The following IL20RA variants were observed in gnomAD, a reference collection of about 807,000 sequenced individuals.
The protein encoded by IL20RA is interleukin-20 receptor subunit alpha.
Under a neutral mutation model 36.5 loss-of-function variants are expected in IL20RA, and 29 were observed. The observed-to-expected ratio is 0.79, with a 90% CI of 0.59 to 1.08. The LOEUF is 1.08. Ranked by LOEUF, IL20RA falls within the 50% of genes least tolerant of loss-of-function variation. The probability of loss-of-function intolerance (pLI) is 0.00; values close to 1 mark genes in which losing one functional copy is unlikely to be tolerated. For missense variants in IL20RA, 652 were observed against 668.4 expected (o/e 0.98, Z 0.27); for synonymous variants, 279 against 267.1 (o/e 1.04, Z -0.43).
intron 2 of IL20RA, among the ~76,000 whole-genome samples, chr6:137,015,711 G>C (rs1775659727): frequency 6.6e-6 from 1 of 152,118 alleles, no homozygotes; most frequent in Non-Finnish European, 1.5e-5. Flanking sequence ...AGACTGGAGA[G>C]CAGTGGCATG....
intron 1 of IL20RA, among the ~76,000 whole-genome samples, chr6:137,031,972 G>C (rs1776302514): frequency 1.4e-5 from 2 of 145,810 alleles, no homozygotes; most frequent in Admixed American, 1.4e-4. Context: ...AGAATCACTT[G>C]AACCTGGGAG....
At chr6:137,023,886 G>C (rs1156392606) in intron 1 of IL20RA, among the ~76,000 whole-genome samples, 1 of 152,172 alleles carries the variant, frequency 6.6e-6, no homozygotes, top group Non-Finnish European at 1.5e-5. Context: ...TTGAGGTCAG[G>C]AGTTTGAGAC....
At chr6:137,021,892 A>G (rs1364667384) in intron 1 of IL20RA, among the ~76,000 whole-genome samples, 1 of 152,190 alleles carries the variant, frequency 6.6e-6, no homozygotes, top group Non-Finnish European at 1.5e-5. Context: ...TTCAGTTTCC[A>G]TAACAGCCCT....
chr6:137,009,246 C>CA, intron 4 of IL20RA, 71 bp downstream of exon 4: 1 of 1,203,236 alleles, frequency 8.3e-7, no homozygotes, highest in Non-Finnish European at 1.2e-6. Context: ...ATCAATGCAT[C>CA]AGGGTTGTTT....
intron 1 of IL20RA, among the ~76,000 whole-genome samples, chr6:137,037,731 A>G (rs1477487578): frequency 6.6e-6 from 1 of 152,130 alleles, no homozygotes; most frequent in East Asian, 1.9e-4. Context: ...CATATACTGG[A>G]AATACTGGGA....
At position 137,005,050 on chromosome 6, in the gene IL20RA, G is replaced by A. The variant is rs193110195; in HGVS notation, c.725-290C>T. ...CCAAGTCAGCACATATTCCACCATCGTATGTCTGGCTATGAGATTCATGCA... is the reference window on the plus strand; with the variant it reads ...CCAAGTCAGCACATATTCCACCATCATATGTCTGGCTATGAGATTCATGCA... On this transcript the variant is annotated intron_variant, in intron 5 of 6. Coordinates refer to ENST00000316649, the MANE Select transcript of IL20RA (RefSeq NM_014432.4). 3.0e-3 allele frequency among the ~76,000 whole-genome samples: 452 copies of A among 152,278 alleles called. 19 individuals are homozygous for A. The South Asian group carries it at 0.088, about 30-fold the overall frequency.
chr6:137,009,090 A>G (rs1471808501), intron 4 of IL20RA: 5 of 603,398 alleles, frequency 8.3e-6, no homozygotes, highest in Non-Finnish European at 1.5e-5. Flanking sequence ...CAATCTCTCT[A>G]CACTCCAATA....
At chr6:137,042,062 G>C (rs1406530532) in intron 1 of IL20RA, among the ~76,000 whole-genome samples, 1 of 152,120 alleles carries the variant, frequency 6.6e-6, no homozygotes, top group Admixed American at 6.5e-5. Context: ...CTTGAGGGAA[G>C]CACATTGGCA....
chr6:137,022,983 A>G (rs563146544), intron 1 of IL20RA, among the ~76,000 whole-genome samples: 2 of 152,160 alleles, frequency 1.3e-5, no homozygotes, highest in Admixed American at 1.3e-4. Context: ...GAGAGAATAA[A>G]TTGTGTTTTT....
At position 137,044,756 on chromosome 6, in the gene IL20RA, G is replaced by C. The variant is rs1776844925; in HGVS notation, c.-28C>G. 11 of 1,212,326 alleles carry C rather than the reference G, an allele frequency of 9.1e-6. No homozygotes were observed. The highest frequency in any genetic ancestry group is 4.4e-5 in the Admixed American group (1 of 22,940). 75.1% of individuals were successfully genotyped at this position (1,212,326 alleles called of 1,614,324 possible). On this transcript the variant is annotated 5_prime_UTR_variant, in exon 1 of 7. Transcript: ENST00000316649. ...GCGGCGGGGCTGGGTCACATGTCGG[G>C]GGGCAGCAGACTGCTCAGTCCCACG...
At position 137,000,342 on chromosome 6, in the gene IL20RA, T is replaced by C. The variant is rs1180032431; in HGVS notation, c.*1216A>G. On this transcript the variant is annotated 3_prime_UTR_variant, in exon 7 of 7. Coordinates refer to ENST00000316649, the MANE Select transcript of IL20RA (RefSeq NM_014432.4). ...CAAATATATATTAAGGCAAACCATA[T>C]GAAGTTACTGCTTGTCAGATTAAAA... 4 of 152,202 alleles carry C rather than the reference T, an allele frequency of 2.6e-5. No individual in the cohort carries two copies. Among genetic ancestry groups the C allele is most frequent in the African/African-American group, 9.7e-5 (4 of 41,442 alleles). The allele number at this position is 152,202 out of a possible 1,614,324, so 9.4% of individuals were successfully genotyped here.
At chr6:137,035,138 A>T (rs969530326) in intron 1 of IL20RA, among the ~76,000 whole-genome samples, 1 of 152,132 alleles carries the variant, frequency 6.6e-6, no homozygotes, top group Non-Finnish European at 1.5e-5. Flanking sequence ...TTTATATTGA[A>T]TTATAAATAT....
intron 2 of IL20RA, among the ~76,000 whole-genome samples, chr6:137,015,771 C>G (rs752809034): frequency 2.0e-5 from 3 of 152,140 alleles, no homozygotes; most frequent in Non-Finnish European, 4.4e-5. Context: ...ATCCTCCCAC[C>G]TCAGCATCCC....
chr6:137,002,172 G>T lies in IL20RA; in HGVS notation c.1048C>A (p.Pro350Thr). 6 of 1,614,004 alleles carry T rather than the reference G, an allele frequency of 3.7e-6. No homozygotes were observed. Among genetic ancestry groups the T allele is most frequent in the Non-Finnish European group, 5.1e-6 (6 of 1,179,890 alleles). The part of the protein sequence containing the change: ...NDPQPSGNLR[P>T]PQEEEEVKHL... ...TTCACCTCCTCTTCCTCCTGAGGGGGCCTCAGGTTCCCGCTGGGCTGAGGA... is the reference window on the plus strand; with the variant it reads ...TTCACCTCCTCTTCCTCCTGAGGGGTCCTCAGGTTCCCGCTGGGCTGAGGA... Residue 350 changes from proline to threonine, a missense_variant, in exon 7 of 7, where the codon CCC becomes ACC. Physicochemically the swap from Pro to Thr is conservative, Grantham distance 38. Coordinates refer to ENST00000316649, the MANE Select transcript of IL20RA (RefSeq NM_014432.4).
In IL20RA at chr6:137,036,634, C is replaced by T. The variant is rs930344498; in HGVS notation, c.88+8007G>A. Among the ~76,000 whole-genome samples, 8 of 152,214 alleles carry T rather than the reference C, an allele frequency of 5.3e-5. No homozygotes were observed. In the South Asian group the frequency reaches 8.3e-4, roughly 16 times the overall value. ...AAGATTGCCAGCACCACCAGAAGCA[C>T]GAAGAGGCACAGAATGGATTCTCCC... On this transcript the variant is annotated intron_variant, in intron 1 of 6. Transcript: ENST00000316649.
At chr6:137,044,074 A>G in intron 1 of IL20RA, 1 of 982,042 alleles carries the variant, frequency 1.0e-6, no homozygotes, top group Non-Finnish European at 1.2e-6. Flanking sequence ...CGGCGTACCC[A>G]GGACAGGGGG....
In IL20RA at chr6:137,018,166, G is replaced by T. The variant is rs369036208; in HGVS notation, c.89-1063C>A. Among the ~76,000 whole-genome samples the T allele has an allele frequency of 3.4e-4, 52 of 152,260 alleles. 1 individual carries two copies. The highest frequency in any genetic ancestry group is 1.2e-3 in the African/African-American group (51 of 41,558). ...AATTTAGTTCAGTCACTGATGGCAGGTCCAATCTTGGCTAAGGATCATAAT... is the reference window on the plus strand; with the variant it reads ...AATTTAGTTCAGTCACTGATGGCAGTTCCAATCTTGGCTAAGGATCATAAT... On this transcript the variant is annotated intron_variant, in intron 1 of 6. Coordinates refer to ENST00000316649, the MANE Select transcript of IL20RA (RefSeq NM_014432.4).
At chr6:137,041,518 TTTAA>T (rs1156610063) in intron 1 of IL20RA, among the ~76,000 whole-genome samples, 1 of 152,158 alleles carries the variant, frequency 6.6e-6, no homozygotes, top group Non-Finnish European at 1.5e-5. Context: ...ATTCTGCAAG[TTTAA>T]TTAGTTCACT....
At position 137,030,020 on chromosome 6, in the gene IL20RA, T is replaced by C. The variant is rs148439148; in HGVS notation, c.89-12917A>G. Among the ~76,000 whole-genome samples the C allele has an allele frequency of 2.4e-3, 360 of 150,450 alleles. 3 individuals are homozygous for C. The highest frequency in any genetic ancestry group is 8.6e-3 in the African/African-American group (355 of 41,260). On this transcript the variant is annotated intron_variant, in intron 1 of 6. Coordinates refer to ENST00000316649, the MANE Select transcript of IL20RA (RefSeq NM_014432.4). Reference sequence around the variant, plus strand: ...TAGAGAAAGGGAGGAAAATAGAGATTCTTTCATTTTCATTAAAGAATTATG... The same window carrying C: ...TAGAGAAAGGGAGGAAAATAGAGATCCTTTCATTTTCATTAAAGAATTATG...
Sources: gnomAD v4.1 joint callset for allele counts (sites outside exome capture counted in the v4.1 genomes callset) on GRCh38, gnomAD v4.1.1 for gene constraint, MANE v1.5 for transcripts, NCBI Gene and HGNC (gene_info 2026-07-23, HGNC 2026-07-21) for gene names.